The following RPSA2 variants were observed in gnomAD, a reference collection of about 807,000 sequenced individuals.
RPSA2 encodes the protein small ribosomal subunit protein uS2B.
chr19:23,793,930 CTAATTTT>C, the RPSA2 span, among the ~76,000 whole-genome samples: 1 of 152,070 alleles, frequency 6.6e-6, no homozygotes, highest in Non-Finnish European at 1.5e-5. Flanking sequence ...CTAAACCTAG[CTAATTTT>C]TCTTTTCGTA....
At chr19:23,807,025 G>C in the RPSA2 span, among the ~76,000 whole-genome samples, 1 of 152,058 alleles carries the variant, frequency 6.6e-6, no homozygotes, top group Non-Finnish European at 1.5e-5. Flanking sequence ...ATGAAAACTT[G>C]TTCGAGTGCA....
chr19:23,868,172 C>T, the RPSA2 span, among the ~76,000 whole-genome samples: 2 of 152,166 alleles, frequency 1.3e-5, no homozygotes, highest in African/African-American at 4.8e-5. Flanking sequence ...AGCAGCCATT[C>T]CTAAAAACTG....
chr19:23,799,800 G>A, the RPSA2 span, among the ~76,000 whole-genome samples: 1 of 152,230 alleles, frequency 6.6e-6, no homozygotes, highest in Non-Finnish European at 1.5e-5. Flanking sequence ...TCAGGAAGAT[G>A]TGAAAAGGTT....
chr19:23,777,593 C>T, the RPSA2 span, among the ~76,000 whole-genome samples: 1 of 143,762 alleles, frequency 7.0e-6, no homozygotes, highest in Non-Finnish European at 1.5e-5. Context: ...TGCTTTGTGG[C>T]CTGTCTTCTG....
chr19:23,819,182 A>T, the RPSA2 span: 1 of 152,146 alleles, frequency 6.6e-6, no homozygotes, highest in Non-Finnish European at 1.5e-5. Context: ...TACTTTCCTG[A>T]TGATGCCTCG....
chr19:23,776,676 G>A, the RPSA2 span, among the ~76,000 whole-genome samples: 1 of 152,098 alleles, frequency 6.6e-6, no homozygotes, highest in Non-Finnish European at 1.5e-5. Context: ...TACCTAGCTG[G>A]TATGACTCTT....
At chr19:23,817,544 CTTTTA>C in the RPSA2 span, 3 of 152,042 alleles carry the variant, frequency 2.0e-5, no homozygotes, top group African/African-American at 4.8e-5. Context: ...TTAATATAGA[CTTTTA>C]TTTTATATGT....
chr19:23,865,446 A>G, the RPSA2 span, among the ~76,000 whole-genome samples: 1 of 152,134 alleles, frequency 6.6e-6, no homozygotes, highest in African/African-American at 2.4e-5. Flanking sequence ...AAAAGTCTCA[A>G]AGTAGACCCT....
the RPSA2 span, chr19:23,798,947 G>C: frequency 5.9e-5 from 9 of 152,284 alleles, no homozygotes; most frequent in South Asian, 1.7e-3. Flanking sequence ...GGTGGAAGTT[G>C]TCAGATATAT....
At chr19:23,866,625 A>G in the RPSA2 span, among the ~76,000 whole-genome samples, 1 of 151,174 alleles carries the variant, frequency 6.6e-6, no homozygotes, top group South Asian at 2.1e-4. Flanking sequence ...ACCCCCTGTC[A>G]GGAAATGAGA....
chr19:23,838,036 C>A, the RPSA2 span, among the ~76,000 whole-genome samples: 4 of 152,170 alleles, frequency 2.6e-5, no homozygotes, highest in Non-Finnish European at 4.4e-5. Flanking sequence ...TCAGAGGGAA[C>A]GCTTTTAACT....
At chr19:23,826,733 T>A in the RPSA2 span, among the ~76,000 whole-genome samples, 148,796 of 152,116 alleles carry the variant, frequency 0.98, 72,866 homozygotes, top group Middle Eastern at 1. Context: ...TCACCTAGGC[T>A]GGAGTGCAGT....
At chr19:23,758,679 T>A in the RPSA2 span, 1 of 1,613,266 alleles carries the variant, frequency 6.2e-7, no homozygotes, top group Non-Finnish European at 8.5e-7. Context: ...TGGAGCTGAC[T>A]GCGGCGAGGT....
the RPSA2 span, among the ~76,000 whole-genome samples, chr19:23,810,348 C>G: frequency 1.4e-5 from 2 of 144,340 alleles, no homozygotes; most frequent in Non-Finnish European, 3.0e-5. Flanking sequence ...GAACCGAGAT[C>G]GTGCCACTGC....
the RPSA2 span, among the ~76,000 whole-genome samples, chr19:23,841,051 C>A: frequency 6.8e-4 from 101 of 149,572 alleles, no homozygotes; most frequent in African/African-American, 2.2e-3. Flanking sequence ...TGATTAGATT[C>A]AGATTATGAT....
chr19:23,775,694 A>G, the RPSA2 span, among the ~76,000 whole-genome samples: 2 of 152,216 alleles, frequency 1.3e-5, no homozygotes, highest in African/African-American at 2.4e-5. Context: ...ATTCAGTCCA[A>G]AGGTAAGTTG....
chr19:23,814,132 A>T, the RPSA2 span, among the ~76,000 whole-genome samples: 3 of 151,070 alleles, frequency 2.0e-5, no homozygotes, highest in South Asian at 6.3e-4. Context: ...GAATTGGTTG[A>T]ACCTGGAAGG....
chr19:23,821,600 G>T, the RPSA2 span, among the ~76,000 whole-genome samples: 1 of 152,204 alleles, frequency 6.6e-6, no homozygotes, highest in African/African-American at 2.4e-5. Flanking sequence ...CTGCCAGCCC[G>T]ATCAGGTCGG....
At chr19:23,760,593 A>G in the RPSA2 span, among the ~76,000 whole-genome samples, 1 of 151,514 alleles carries the variant, frequency 6.6e-6, no homozygotes, top group South Asian at 2.1e-4. Flanking sequence ...CTCACCTTTT[A>G]TCACATTCCC....
Sources: gnomAD v4.1 joint callset for allele counts (sites outside exome capture counted in the v4.1 genomes callset) on GRCh38, gnomAD v4.1.1 for gene constraint, MANE v1.5 for transcripts, NCBI Gene and HGNC (gene_info 2026-07-23, HGNC 2026-07-21) for gene names.